The following TENM3 variants were observed in gnomAD, a reference collection of about 807,000 sequenced individuals.
The protein encoded by TENM3 is teneurin-3.
A neutral mutation model predicts 255.1 loss-of-function variants in TENM3; 63 were observed. The observed-to-expected ratio is 0.25, with a 90% CI of 0.20 to 0.30. The LOEUF is 0.30. Ranked by LOEUF, TENM3 falls within the 10% of genes least tolerant of loss-of-function variation. The pLI is 1.00. For synonymous variants in TENM3, 1,306 were observed against 1,322.3 expected (o/e 0.99, Z 0.27); for missense variants, 2,929 against 3,461.1 (o/e 0.85, Z 3.86).
chr4:182,071,784 A>G, the TENM3 span, among the ~76,000 whole-genome samples: 1 of 152,192 alleles, frequency 6.6e-6, no homozygotes. Flanking sequence ...TGTCAACGAT[A>G]GTCACCCTAC....
intron 3 of TENM3, among the ~76,000 whole-genome samples, chr4:182,577,360 A>G (rs892818498): frequency 6.6e-6 from 1 of 152,228 alleles, no homozygotes; most frequent in Non-Finnish European, 1.5e-5. Context: ...CCTGAAGTAC[A>G]GTAGGTATTC....
At chr4:181,675,398 C>T in the TENM3 span, among the ~76,000 whole-genome samples, 2 of 151,774 alleles carry the variant, frequency 1.3e-5, no homozygotes, top group African/African-American at 4.8e-5. Flanking sequence ...AGCAATATAC[C>T]TAAAAATATT....
the TENM3 span, among the ~76,000 whole-genome samples, chr4:181,840,139 A>G: frequency 6.6e-6 from 1 of 152,100 alleles, no homozygotes; most frequent in African/African-American, 2.4e-5. Flanking sequence ...ACTGTTTTCT[A>G]AGTCACCTGT....
chr4:182,317,126 T>C (rs1762795130), intron 1 of TENM3, among the ~76,000 whole-genome samples: 1 of 152,244 alleles, frequency 6.6e-6, no homozygotes, highest in African/African-American at 2.4e-5. Context: ...TTATTATTGC[T>C]GTCAAAAGTT....
intron 1 of TENM3, among the ~76,000 whole-genome samples, chr4:182,191,079 T>G (rs1221277108): frequency 6.6e-6 from 1 of 152,204 alleles, no homozygotes; most frequent in African/African-American, 2.4e-5. Flanking sequence ...AAATGTATGC[T>G]TTGAAATTAT....
intron 3 of TENM3, among the ~76,000 whole-genome samples, chr4:182,430,364 C>T (rs562938382): frequency 3.9e-4 from 59 of 152,032 alleles, no homozygotes; most frequent in African/African-American, 1.3e-3. Context: ...CTGGCTAACA[C>T]GGTGAAACAC....
chr4:182,473,264 C>T (rs1217207453), intron 3 of TENM3, among the ~76,000 whole-genome samples: 2 of 152,150 alleles, frequency 1.3e-5, no homozygotes, highest in Non-Finnish European at 2.9e-5. Context: ...GAGATAGAAA[C>T]AAAGATCTTC....
intron 2 of TENM3, among the ~76,000 whole-genome samples, chr4:182,335,308 G>GGCT (rs1561334436): frequency 1.4e-5 from 1 of 73,990 alleles, no homozygotes; most frequent in Non-Finnish European, 2.9e-5. Flanking sequence ...ACCATCCTGT[G>GGCT]AATGGTGAAA....
At chr4:182,386,195 C>T (rs1012179387) in intron 3 of TENM3, among the ~76,000 whole-genome samples, 1 of 152,166 alleles carries the variant, frequency 6.6e-6, no homozygotes, top group Non-Finnish European at 1.5e-5. Flanking sequence ...GTAAACATAG[C>T]CCAGTCTGAT....
At chr4:182,250,748 A>C (rs1297612853) in intron 1 of TENM3, among the ~76,000 whole-genome samples, 1 of 152,244 alleles carries the variant, frequency 6.6e-6, no homozygotes, top group Non-Finnish European at 1.5e-5. Flanking sequence ...ATGAAGATTT[A>C]ATATTTTAAA....
the TENM3 span, among the ~76,000 whole-genome samples, chr4:181,603,428 G>T: frequency 6.6e-6 from 1 of 152,116 alleles, no homozygotes. Context: ...GGACTGGTTT[G>T]CTTGCCCCAA....
the TENM3 span, among the ~76,000 whole-genome samples, chr4:182,138,218 A>G: frequency 6.6e-6 from 1 of 152,320 alleles, no homozygotes; most frequent in Non-Finnish European, 1.5e-5. Context: ...AACAGTGCAA[A>G]GTACAACATT....
chr4:181,647,545 G>A, the TENM3 span, among the ~76,000 whole-genome samples: 16 of 152,262 alleles, frequency 1.1e-4, no homozygotes, highest in East Asian at 2.1e-3. Flanking sequence ...TTGATCCTAT[G>A]TTTGCTTTTG....
At chr4:181,846,916 A>G in the TENM3 span, among the ~76,000 whole-genome samples, 1 of 152,342 alleles carries the variant, frequency 6.6e-6, no homozygotes, top group South Asian at 2.1e-4. Flanking sequence ...TAAATATAGA[A>G]CTGGTAAATT....
chr4:181,623,196 C>T, the TENM3 span, among the ~76,000 whole-genome samples: 3 of 152,320 alleles, frequency 2.0e-5, no homozygotes, highest in African/African-American at 7.2e-5. Context: ...TTGCTCTTTA[C>T]AAGCCGTGCG....
intron 1 of TENM3, among the ~76,000 whole-genome samples, chr4:182,265,329 C>T (rs1759175761): frequency 6.6e-6 from 1 of 152,100 alleles, no homozygotes; most frequent in Non-Finnish European, 1.5e-5. Context: ...GAAGCATGTT[C>T]TTGGCTACCT....
At chr4:181,794,903 T>A in the TENM3 span, among the ~76,000 whole-genome samples, 1 of 152,128 alleles carries the variant, frequency 6.6e-6, no homozygotes, top group Admixed American at 6.5e-5. Context: ...GCTGTGCTTC[T>A]CCACTCCACT....
In TENM3 at chr4:182,680,135, G is replaced by A. The variant is rs888879517; in HGVS notation, c.1538-113G>A. On this transcript the variant is annotated intron_variant, in intron 8 of 27. Coordinates refer to ENST00000511685, the MANE Select transcript of TENM3 (RefSeq NM_001080477.4). ...GAAAATCTGCATTTGAAGTGACAGT[G>A]CTTTGCTTTACTACTCAAATTATCT... The A allele has an allele frequency of 1.2e-5, 10 of 821,826 alleles. No individual in the cohort carries two copies. The African/African-American group carries it at 1.4e-4, about 11-fold the overall frequency. 50.9% of individuals were successfully genotyped at this position (821,826 alleles called of 1,614,324 possible). A position where few individuals can be genotyped will look rare whatever the true frequency, so the allele number is the denominator to read the frequency against.
chr4:182,389,777 C>T (rs2150973474), intron 3 of TENM3, among the ~76,000 whole-genome samples: 1 of 151,276 alleles, frequency 6.6e-6, no homozygotes, highest in East Asian at 2.0e-4. Context: ...GCTCCGCCTC[C>T]CGGGTTCGCG....
Sources: gnomAD v4.1 joint callset for allele counts (sites outside exome capture counted in the v4.1 genomes callset) on GRCh38, gnomAD v4.1.1 for gene constraint, MANE v1.5 for transcripts, NCBI Gene and HGNC (gene_info 2026-07-23, HGNC 2026-07-21) for gene names.